Variants in RRP7A observed in about 807,000 individuals in gnomAD.
RRP7A encodes ribosomal RNA processing 7 homolog A.
A neutral mutation model predicts 38.4 loss-of-function variants in RRP7A; 27 were observed. That is an observed-to-expected ratio of 0.70 (90% CI 0.52 to 0.97). RRP7A has a LOEUF of 0.97. Among genes scored for constraint, RRP7A ranks in the 50% least tolerant of loss-of-function variants. RRP7A has a pLI of 0.00. For synonymous variants in RRP7A, 124 were observed against 150.3 expected, an observed-to-expected ratio of 0.83 and a Z score of 1.28; for missense variants, 327 against 375.4, an observed-to-expected ratio of 0.87 and a Z score of 1.07.
rs1932340300 is a variant in RRP7A, at chr22:42,508,502, T to TA, written c.*4407dup. ...TGGCCACATCCCCGCCATCCAGACG[T>TA]AAAACAGTCACAAGACAGGGCAGGC... On this transcript the variant is annotated 3_prime_UTR_variant, in exon 7 of 7. Transcript: ENST00000323013. Among the ~76,000 whole-genome samples the TA allele has an allele frequency of 6.6e-6, 1 of 152,076 alleles. No individual in the cohort carries two copies. Among genetic ancestry groups the TA allele is most frequent in the Non-Finnish European group, 1.5e-5 (1 of 68,018 alleles).
At chr22:42,513,290 CA>C (rs1255132865) in intron 6 of RRP7A, among the ~76,000 whole-genome samples, 1 of 131,358 alleles carries the variant, frequency 7.6e-6, no homozygotes, top group Non-Finnish European at 1.7e-5. Context: ...CATCCCTGCA[CA>C]GGGGGAAGGA....
rs4822146 is a variant in RRP7A, at chr22:42,514,763, G to A, written c.477C>T (p.Tyr159=). 196,079 of 1,591,868 alleles carry A rather than the reference G, an allele frequency of 0.12. 12,823 individuals are homozygous for A. Among genetic ancestry groups the A allele is most frequent in the Admixed American group, 0.22 (12,866 of 58,914 alleles). The change falls in exon 5 of 7, where the codon TAC becomes TAT. Residue 159 remains tyrosine, a synonymous_variant. Transcript: ENST00000323013. ...CCTCAGGGTCGGGCACAGAGTCTGC[G>A]TAGTCACTGATCCACTCTGAGGAAA... ...KSGIHKWISD[Y]ADSVPDPEAL...
At chr22:42,513,118 A>G in intron 6 of RRP7A, 123 bp from the exon 7 acceptor site, 2 of 795,178 alleles carry the variant, frequency 2.5e-6, no homozygotes, top group Non-Finnish European at 4.2e-6. Context: ...CCACCAGCCC[A>G]TCCCCCTCCC....
In RRP7A at chr22:42,512,053, G is replaced by A. The variant is rs202134433; in HGVS notation, c.*857C>T. On this transcript the variant is annotated 3_prime_UTR_variant, in exon 7 of 7. Transcript: ENST00000323013. ...AATGCTGTGGGAGGGCCCTGACCCCGGGGCCCATGGAGCTCCCTAGGCTCC... is the reference window on the plus strand; with the variant it reads ...AATGCTGTGGGAGGGCCCTGACCCCAGGGCCCATGGAGCTCCCTAGGCTCC... 7.3e-3 allele frequency: 8,947 copies of A among 1,232,784 alleles called. No individual in the cohort carries two copies. Among genetic ancestry groups the A allele is most frequent in the Middle Eastern group, 0.022 (102 of 4,718 alleles). 76.4% of individuals were successfully genotyped at this position (1,232,784 alleles called of 1,614,324 possible).
chr22:42,509,046 T>A lies in RRP7A; in HGVS notation c.*3864A>T. The stretch of plus-strand genomic sequence containing the variant: ...TCTGCAGGCAGAGAACAGCATTGAC[T>A]TCGTCAGCAGGGAGCTGTGTGCGCA... On this transcript the variant is annotated 3_prime_UTR_variant, in exon 7 of 7. Transcript: ENST00000323013. 6.2e-7 allele frequency: 1 copy of A among 1,608,206 alleles called. No homozygotes were observed. The highest frequency in any genetic ancestry group is 1.1e-5 in the South Asian group (1 of 91,056).
In RRP7A at chr22:42,509,848, G is replaced by GGGGTGTGTGTGTGTGTGTGTGTGTGT. The variant is rs1932393387; in HGVS notation, c.*3061_*3062insACACACACACACACACACACACACCC. 3.9e-5 allele frequency: 1 copy of GGGGTGTGTGTGTGTGTGTGTGTGTGT among 25,742 alleles called. No individual in the cohort carries two copies. The highest frequency in any genetic ancestry group is 9.1e-4 in the African/African-American group (1 of 1,094). The allele number at this position is 25,742 out of a possible 1,614,324, so 1.6% of individuals were successfully genotyped here. A position where few individuals can be genotyped will look rare whatever the true frequency, so the allele number is the denominator to read the frequency against. Reference sequence around the variant, plus strand: ...GGAAGCCTGTTGGGGGTGGGGGGGTGGGGTGTGTGTGTGTGTGTGTAAGCT... The same window carrying GGGGTGTGTGTGTGTGTGTGTGTGTGT: ...GGAAGCCTGTTGGGGGTGGGGGGGTGGGGTGTGTGTGTGTGTGTGTGTGTGTGGGTGTGTGTGTGTGTGTGTAAGCT... On this transcript the variant is annotated 3_prime_UTR_variant, in exon 7 of 7. Coordinates refer to ENST00000323013, the MANE Select transcript of RRP7A (RefSeq NM_015703.5).
intron 6 of RRP7A, 31 bp from the exon 7 acceptor site, chr22:42,513,026 C>CA (rs1932518873): frequency 6.3e-7 from 1 of 1,584,916 alleles, no homozygotes; most frequent in Non-Finnish European, 8.6e-7. Flanking sequence ...GGGGCAGGGT[C>CA]AGACAGCGCG....
At chr22:42,518,240 CT>C in intron 1 of RRP7A, 93 bp from the exon 2 acceptor site, 1 of 1,034,514 alleles carries the variant, frequency 9.7e-7, no homozygotes. Context: ...ACATCCCTGT[CT>C]AGTCCTATCT....
chr22:42,519,448 T>G (rs1441112230), intron 1 of RRP7A, among the ~76,000 whole-genome samples: 1 of 152,150 alleles, frequency 6.6e-6, no homozygotes, highest in African/African-American at 2.4e-5. Context: ...GGGTTTGTCC[T>G]GGGTGAGAGT....
In RRP7A at chr22:42,509,138, A is replaced by AC. The variant is rs765100991; in HGVS notation, c.*3771dup. 1.3e-5 allele frequency: 21 copies of AC among 1,613,276 alleles called. No individual in the cohort carries two copies. The highest frequency in any genetic ancestry group is 3.3e-5 in the South Asian group (3 of 91,028). On this transcript the variant is annotated 3_prime_UTR_variant, in exon 7 of 7. Transcript: ENST00000323013. ...GAGTCTGGACCCATCCCCTTCAGTC[A>AC]CCCCCCAAGGAGACATGGGCGCCAG...
rs764747684 is a variant in RRP7A at position 42,515,319 on chromosome 22, C to T, written c.343-51G>A. ...TGGGGGCTCCTTCCCACGTCTGGCA[C>T]AAGGTCTCCAGGCCTGCCCTCAGCC... On this transcript the variant is annotated intron_variant, in intron 3 of 6. Coordinates refer to ENST00000323013, the MANE Select transcript of RRP7A (RefSeq NM_015703.5). 67 of 747,914 alleles carry T rather than the reference C, an allele frequency of 9.0e-5. 1 individual carries two copies. The highest frequency in any genetic ancestry group is 1.3e-4 in the Non-Finnish European group (55 of 430,824). 46.3% of individuals were successfully genotyped at this position (747,914 alleles called of 1,614,324 possible).
rs371870238 is a variant in RRP7A at position 42,513,800 on chromosome 22, C to T, written c.757+306G>A. ...AAGCCCCCTCTGCACTTGAACTCCTCGTTAGCTGGAGGCTGACGAGCGCCA... is the reference window on the plus strand; with the variant it reads ...AAGCCCCCTCTGCACTTGAACTCCTTGTTAGCTGGAGGCTGACGAGCGCCA... On this transcript the variant is annotated intron_variant, in intron 6 of 6. Coordinates refer to ENST00000323013, the MANE Select transcript of RRP7A (RefSeq NM_015703.5). Among the ~76,000 whole-genome samples the T allele has an allele frequency of 7.9e-5, 12 of 152,286 alleles. No individual in the cohort carries two copies. The South Asian group carries it at 8.3e-4, about 11-fold the overall frequency.
chr22:42,512,358 GC>G lies in RRP7A; in HGVS notation c.*551del, dbSNP rs1383680786. On this transcript the variant is annotated 3_prime_UTR_variant, in exon 7 of 7. Coordinates refer to ENST00000323013, the MANE Select transcript of RRP7A (RefSeq NM_015703.5). ...CAGGCCTCACTAGTCTTGAGGCCCA[GC>G]CTAGGATGGTAGTCAGGGGAAGGAG... The G allele has an allele frequency of 1.2e-6, 1 of 812,986 alleles. No homozygotes were observed. The highest frequency in any genetic ancestry group is 2.0e-6 in the Non-Finnish European group (1 of 494,300). The allele number at this position is 812,986 out of a possible 1,614,324, so 50.4% of individuals were successfully genotyped here. A position where few individuals can be genotyped will look rare whatever the true frequency, so the allele number is the denominator to read the frequency against.
Position 42,512,680 on chromosome 22 carries a change from A to G in RRP7A, c.*230T>C. The stretch of plus-strand genomic sequence containing the variant: ...TGTGGAGGCAAGAAGCAGGAAGGAC[A>G]AGTCCTCCTCTCGGCACGCCTGGGT... On this transcript the variant is annotated 3_prime_UTR_variant, in exon 7 of 7. Transcript: ENST00000323013. The G allele has an allele frequency of 1.7e-6, 1 of 603,718 alleles. No homozygotes were observed. 37.4% of individuals were successfully genotyped at this position (603,718 alleles called of 1,614,324 possible).
chr22:42,515,361 C>G, intron 3 of RRP7A, 93 bp from the exon 4 acceptor site: 6 of 747,654 alleles, frequency 8.0e-6, no homozygotes, highest in Non-Finnish European at 1.4e-5. Flanking sequence ...GTAGCTACAC[C>G]AGGGGAGATG....
At chr22:42,514,443 TG>T in intron 5 of RRP7A, 139 bp from the exon 6 acceptor site, 1 of 784,384 alleles carries the variant, frequency 1.3e-6, no homozygotes, top group South Asian at 1.8e-5. Context: ...AGCACAGTGT[TG>T]GGGCTAAGGA....
At position 42,516,042 on chromosome 22, in the gene RRP7A, C is replaced by G. The variant is rs1254426260; in HGVS notation, c.311G>C (p.Arg104Thr). The change falls in exon 3 of 7, where the codon AGG (arginine) becomes ACG (threonine). Residue 104 changes from arginine to threonine, a missense_variant. By Grantham distance (71) the Arg-to-Thr change is moderately conservative. Coordinates refer to ENST00000323013, the MANE Select transcript of RRP7A (RefSeq NM_015703.5). The stretch of plus-strand genomic sequence containing the variant: ...TGGCTTGGGATGAAAAAACTTCGAC[C>G]TTGACTCCTTTGGGCTCTCAGCCAG... ...PDLAESPKESRSKFFHPKPVP... is the reference protein window; with the variant it reads ...PDLAESPKESTSKFFHPKPVP... 6.2e-7 allele frequency: 1 copy of G among 1,608,376 alleles called. No individual in the cohort carries two copies. The highest frequency in any genetic ancestry group is 8.5e-7 in the Non-Finnish European group (1 of 1,176,748).
At chr22:42,518,228 C>T (rs1255314345) in intron 1 of RRP7A, 81 bp from the exon 2 acceptor site, 1 of 1,171,070 alleles carries the variant, frequency 8.5e-7, no homozygotes, top group Admixed American at 1.9e-5. Context: ...CTTCCTTTCT[C>T]CACATCCCTG....
intron 2 of RRP7A, among the ~76,000 whole-genome samples, chr22:42,517,605 C>G (rs532053135): frequency 6.6e-6 from 1 of 152,088 alleles, no homozygotes; most frequent in Non-Finnish European, 1.5e-5. Flanking sequence ...CTGCAACCTA[C>G]ACCTCCCGGG....
Sources: allele counts gnomAD v4.1 joint callset (sites outside exome capture counted in the v4.1 genomes callset), GRCh38; gene constraint gnomAD v4.1.1; transcripts MANE v1.5; gene names NCBI Gene and HGNC (gene_info 2026-07-23, HGNC 2026-07-21).